Variants in MIPOL1 observed in about 807,000 individuals in gnomAD.
The protein encoded by MIPOL1 is mirror-image polydactyly gene 1 protein.
A neutral mutation model predicts 60.9 loss-of-function variants in MIPOL1; 57 were observed. The ratio of observed to expected loss-of-function variants is 0.94; its 90% confidence interval spans 0.76 to 1.17. The LOEUF is 1.17. Among genes scored for constraint, MIPOL1 ranks in the 50% most tolerant of loss-of-function variants. The pLI is 0.00. For missense variants in MIPOL1, 551 were observed against 511.6 expected, an observed-to-expected ratio of 1.08 and a Z score of -0.74; for synonymous variants, 179 against 168.8, an observed-to-expected ratio of 1.06 and a Z score of -0.47.
intron 10 of MIPOL1, among the ~76,000 whole-genome samples, chr14:37,380,074 T>G (rs1364036683): frequency 1.3e-5 from 2 of 152,122 alleles, no homozygotes; most frequent in Non-Finnish European, 2.9e-5. Flanking sequence ...TAAGTCAGTT[T>G]TGAATGCTAA....
chr14:37,277,938 A>AT (rs1280826164), intron 6 of MIPOL1: 2 of 151,454 alleles, frequency 1.3e-5, no homozygotes, highest in African/African-American at 4.8e-5. Context: ...GCTATTTTAT[A>AT]TTTTTTAAGA....
chr14:37,524,295 T>TG (rs1266978678), intron 12 of MIPOL1, among the ~76,000 whole-genome samples: 2 of 151,688 alleles, frequency 1.3e-5, no homozygotes, highest in African/African-American at 4.8e-5. Context: ...GGATGTGGGG[T>TG]GGGGGAGATT....
intron 7 of MIPOL1, among the ~76,000 whole-genome samples, 176 bp downstream of exon 7, chr14:37,285,623 G>C (rs935865122): frequency 7.1e-6 from 1 of 140,644 alleles, no homozygotes; most frequent in African/African-American, 2.6e-5. Flanking sequence ...ACGGAGTCTT[G>C]CCCTGTTGCC....
chr14:37,290,945 T>C lies in MIPOL1; in HGVS notation c.623+5498T>C, dbSNP rs554436432. 4.6e-5 allele frequency among the ~76,000 whole-genome samples: 7 copies of C among 152,206 alleles called. No individual in the cohort carries two copies. The South Asian group carries it at 1.0e-3, about 23-fold the overall frequency. On this transcript the variant is annotated intron_variant, in intron 7 of 12. Coordinates refer to ENST00000684589, the MANE Select transcript of MIPOL1 (RefSeq NM_001388067.1). ...GTTCTCATAAGTTAGCTCCCACTTA[T>C]GAGTGATAACATGTGGTATTTAGTT... is the stretch of plus-strand genomic sequence containing the variant.
At chr14:37,464,417 A>G (rs2094574625) in intron 11 of MIPOL1, among the ~76,000 whole-genome samples, 1 of 152,198 alleles carries the variant, frequency 6.6e-6, no homozygotes, top group Non-Finnish European at 1.5e-5. Flanking sequence ...GAATGAAAAT[A>G]TGTCATTTGG....
intron 12 of MIPOL1, chr14:37,505,169 A>C: frequency 6.6e-6 from 1 of 152,222 alleles, no homozygotes; most frequent in Admixed American, 6.5e-5. Context: ...ATTCTACCAA[A>C]GGTACAAAGA....
At position 37,483,555 on chromosome 14, in the gene MIPOL1, A is replaced by C. The variant is rs984588179; in HGVS notation, c.1032-16353A>C. On this transcript the variant is annotated intron_variant, in intron 11 of 12. Transcript: ENST00000684589. The stretch of plus-strand genomic sequence containing the variant: ...GCCAACTGTATAGCCATTATGGATG[A>C]CTGAAAGCAGGTTCCTCCAAAAACT... 2.0e-5 allele frequency among the ~76,000 whole-genome samples: 3 copies of C among 152,150 alleles called. No individual in the cohort carries two copies. In the East Asian group the frequency reaches 5.8e-4, roughly 29 times the overall value.
At chr14:37,430,617 A>C (rs1031145898) in intron 11 of MIPOL1, among the ~76,000 whole-genome samples, 3 of 152,026 alleles carry the variant, frequency 2.0e-5, no homozygotes, top group Non-Finnish European at 4.4e-5. Flanking sequence ...TTACTAAGCT[A>C]CTTCTGAATG....
intron 11 of MIPOL1, among the ~76,000 whole-genome samples, chr14:37,479,081 A>AT (rs962662884): frequency 2.6e-4 from 39 of 151,318 alleles, no homozygotes; most frequent in East Asian, 2.1e-3. Flanking sequence ...ATACCACTTT[A>AT]TTTTTTTTTG....
chr14:37,308,114 C>A, intron 8 of MIPOL1, 25 bp downstream of exon 8: 1 of 1,602,572 alleles, frequency 6.2e-7, no homozygotes, highest in South Asian at 1.1e-5. Flanking sequence ...GAGGAGATTT[C>A]TTGATGTCAG....
At chr14:37,407,178 A>C (rs1391413664) in intron 10 of MIPOL1, among the ~76,000 whole-genome samples, 1 of 152,186 alleles carries the variant, frequency 6.6e-6, no homozygotes, top group Non-Finnish European at 1.5e-5. Flanking sequence ...AAATTGGACT[A>C]AACAGTGTCA....
chr14:37,450,090 G>C (rs1462653176), intron 11 of MIPOL1, among the ~76,000 whole-genome samples: 1 of 152,148 alleles, frequency 6.6e-6, no homozygotes, highest in Non-Finnish European at 1.5e-5. Context: ...TGGGATTACA[G>C]GCCTGAGCCA....
chr14:37,414,157 C>G (rs191024499), intron 10 of MIPOL1, among the ~76,000 whole-genome samples: 30 of 152,170 alleles, frequency 2.0e-4, no homozygotes, highest in African/African-American at 6.3e-4. Flanking sequence ...ATAATATAAT[C>G]TTTAATAATA....
At chr14:37,296,886 A>G (rs1025832200) in intron 7 of MIPOL1, among the ~76,000 whole-genome samples, 16 of 152,086 alleles carry the variant, frequency 1.1e-4, no homozygotes, top group African/African-American at 2.2e-4. Context: ...ACAAGGAGGA[A>G]CTGGTACCAT....
intron 11 of MIPOL1, among the ~76,000 whole-genome samples, chr14:37,478,118 A>G (rs2094806252): frequency 6.6e-6 from 1 of 152,244 alleles, no homozygotes; most frequent in African/African-American, 2.4e-5. Context: ...ACTACCATAT[A>G]TGACCTGTGT....
intron 10 of MIPOL1, among the ~76,000 whole-genome samples, chr14:37,382,242 G>A (rs1038866051): frequency 4.6e-5 from 7 of 152,014 alleles, no homozygotes; most frequent in African/African-American, 1.7e-4. Context: ...ATGAATTGCA[G>A]TGTAGTAATG....
At chr14:37,290,773 G>A (rs577348371) in intron 7 of MIPOL1, among the ~76,000 whole-genome samples, 12 of 152,086 alleles carry the variant, frequency 7.9e-5, no homozygotes, top group Non-Finnish European at 1.8e-4. Context: ...GTAAACTTGG[G>A]TTGTGGGGTT....
In MIPOL1 at chr14:37,285,354, G is replaced by T. The variant is rs752163285; in HGVS notation, c.530G>T (p.Arg177Leu). ...VEEVYFAQKE[R>L]DEAVMSRLQL... ...GAAGTGTATTTTGCGCAGAAGGAAC[G>T]TGATGAAGCTGTTATGTCTAGACTG... Residue 177 changes from arginine (R) to leucine (L), a missense_variant, in exon 7 of 13, where the codon CGT becomes CTT. Coordinates refer to ENST00000684589, the MANE Select transcript of MIPOL1 (RefSeq NM_001388067.1). The T allele has an allele frequency of 6.2e-7, 1 of 1,613,970 alleles. No homozygotes were observed. The highest frequency in any genetic ancestry group is 8.5e-7 in the Non-Finnish European group (1 of 1,179,958).
chr14:37,201,312 T>G lies in MIPOL1; in HGVS notation c.-199+3208T>G, dbSNP rs530997580. On this transcript the variant is annotated intron_variant, in intron 1 of 12. Transcript: ENST00000684589. ...TACCTTAAGACTAATTAGAGGCCAG[T>G]TTGATTCTTGTCTGAATTGTTTTTA... Among the ~76,000 whole-genome samples, 224 of 152,270 alleles carry G rather than the reference T, an allele frequency of 1.5e-3. 2 individuals carry two copies. The highest frequency in any genetic ancestry group is 5.4e-3 in the African/African-American group (223 of 41,550).
Sources: allele counts gnomAD v4.1 joint callset (sites outside exome capture counted in the v4.1 genomes callset), GRCh38; gene constraint gnomAD v4.1.1; transcripts MANE v1.5; gene names NCBI Gene and HGNC (gene_info 2026-07-23, HGNC 2026-07-21).